STK3: variants seen among roughly 807,000 people sequenced by gnomAD.
STK3 encodes serine/threonine kinase 3.
A neutral mutation model predicts 58.0 loss-of-function variants in STK3; 41 were observed. The observed-to-expected ratio is 0.71, with a 90% CI of 0.55 to 0.92. The LOEUF is 0.92. STK3 is among the 40% of genes least tolerant of loss of function. The pLI is 0.00. For synonymous variants in STK3, 170 were observed against 191.0 expected (o/e 0.89, Z 0.91); for missense variants, 479 against 602.7 (o/e 0.79, Z 2.15).
At chr8:98,764,002 T>C (rs1304614328) in intron 3 of STK3, among the ~76,000 whole-genome samples, 1 of 152,192 alleles carries the variant, frequency 6.6e-6, no homozygotes, top group East Asian at 1.9e-4. Flanking sequence ...AGTCCTATCT[T>C]TTAGCATTTT....
At chr8:98,666,226 C>G (rs1822354694) in intron 6 of STK3, among the ~76,000 whole-genome samples, 2 of 151,206 alleles carry the variant, frequency 1.3e-5, no homozygotes, top group South Asian at 4.2e-4. Flanking sequence ...TATTCTGATT[C>G]ATCCAAGGAC....
At chr8:98,415,045 AG>A (rs1406038248) in intron 3 of STK3, among the ~76,000 whole-genome samples, 1 of 152,238 alleles carries the variant, frequency 6.6e-6, no homozygotes, top group East Asian at 1.9e-4. Flanking sequence ...TTAAATCATG[AG>A]GGTTGTACCT....
At chr8:98,803,329 C>T (rs556558209) in intron 1 of STK3, among the ~76,000 whole-genome samples, 14 of 152,120 alleles carry the variant, frequency 9.2e-5, no homozygotes, top group Admixed American at 2.0e-4. Context: ...TGGTGGCTCA[C>T]GCCTGTAATC....
At chr8:98,391,700 T>C (rs1817849731), upstream of STK3, among the ~76,000 whole-genome samples, 1 of 152,216 alleles carries the variant, frequency 6.6e-6, no homozygotes, top group Admixed American at 6.5e-5. Flanking sequence ...CGTCCTTGCA[T>C]AGCATCTCGT....
chr8:98,738,640 C>T (rs1292938453), intron 4 of STK3, among the ~76,000 whole-genome samples: 1 of 152,204 alleles, frequency 6.6e-6, no homozygotes, highest in African/African-American at 2.4e-5. Flanking sequence ...CAGCTCTGGT[C>T]TACAGCTCCC....
chr8:98,787,762 G>A (rs1832562098), intron 1 of STK3, among the ~76,000 whole-genome samples: 1 of 152,156 alleles, frequency 6.6e-6, no homozygotes, highest in South Asian at 2.1e-4. Flanking sequence ...AGCTAGAAGG[G>A]ATTGCAGCCC....
intron 1 of STK3, among the ~76,000 whole-genome samples, chr8:98,934,721 G>T (rs1160847620): frequency 6.6e-6 from 1 of 152,128 alleles, no homozygotes; most frequent in Non-Finnish European, 1.5e-5. Context: ...TTCGAGACCA[G>T]CCTGGCCAAC....
intron 3 of STK3, chr8:98,429,532 T>G: frequency 1.4e-6 from 1 of 705,032 alleles, no homozygotes; most frequent in African/African-American, 1.8e-5. Context: ...AGGGGAGAGA[T>G]GCATGGGATA....
At chr8:98,346,067 C>G in the STK3 span, among the ~76,000 whole-genome samples, 1 of 152,024 alleles carries the variant, frequency 6.6e-6, no homozygotes, top group Non-Finnish European at 1.5e-5. Context: ...GGGCTAATCA[C>G]CTGAGGTGAG....
chr8:98,916,181 G>C (rs149131101), intron 1 of STK3, among the ~76,000 whole-genome samples: 1 of 152,138 alleles, frequency 6.6e-6, no homozygotes, highest in Non-Finnish European at 1.5e-5. Flanking sequence ...TTGGGAGACC[G>C]AGGCGAGTGG....
chr8:98,519,860 T>G (rs535370450), intron 10 of STK3, among the ~76,000 whole-genome samples: 1 of 152,276 alleles, frequency 6.6e-6, no homozygotes, highest in South Asian at 2.1e-4. Flanking sequence ...CTATTCAGTA[T>G]GAGTCACAAC....
chr8:98,578,261 C>T (rs1269794438), intron 8 of STK3, among the ~76,000 whole-genome samples: 1 of 152,172 alleles, frequency 6.6e-6, no homozygotes, highest in African/African-American at 2.4e-5. Flanking sequence ...CTTTACATCT[C>T]CCATATCACC....
rs1822215102 is a variant in STK3, at chr8:98,485,868, G to A, written c.1318-29868C>T. On this transcript the variant is annotated intron_variant, in intron 10 of 10. Coordinates refer to ENST00000419617, the MANE Select transcript of STK3 (RefSeq NM_006281.4). ...TAGCATTTATATTACAGAAGTAGGGGGCCATGAAAGTCTCAAAGTGAATGA... is the reference window on the plus strand; with the variant it reads ...TAGCATTTATATTACAGAAGTAGGGAGCCATGAAAGTCTCAAAGTGAATGA... Among the ~76,000 whole-genome samples, 4 of 152,086 alleles carry A rather than the reference G, an allele frequency of 2.6e-5. No individual in the cohort carries two copies. In the South Asian group the frequency reaches 8.3e-4, roughly 32 times the overall value.
intron 6 of STK3, among the ~76,000 whole-genome samples, chr8:98,617,640 G>T (rs185274299): frequency 6.6e-6 from 1 of 151,778 alleles, no homozygotes; most frequent in East Asian, 1.9e-4. Context: ...TATCACCACC[G>T]ATCCCACAGA....
At chr8:98,472,841 C>T (rs1418561294) in intron 10 of STK3, among the ~76,000 whole-genome samples, 1 of 151,954 alleles carries the variant, frequency 6.6e-6, no homozygotes, top group African/African-American at 2.4e-5. Flanking sequence ...GTTGAACTAG[C>T]AAAACCCACA....
chr8:98,628,306 G>A (rs1286731449), intron 6 of STK3, among the ~76,000 whole-genome samples: 1 of 152,002 alleles, frequency 6.6e-6, no homozygotes, highest in African/African-American at 2.4e-5. Context: ...CAACCACTTG[G>A]TCTGGCTACA....
intron 6 of STK3, chr8:98,597,725 TG>T (rs2130001226): frequency 1.0e-6 from 1 of 985,380 alleles, no homozygotes; most frequent in African/African-American, 1.7e-5. Flanking sequence ...CTTTATGTGA[TG>T]GTCCCTTTAA....
At chr8:98,742,114 A>C (rs1056388027) in intron 4 of STK3, among the ~76,000 whole-genome samples, 1 of 152,010 alleles carries the variant, frequency 6.6e-6, no homozygotes, top group Non-Finnish European at 1.5e-5. Context: ...AAAAGAGTCC[A>C]GGACCAGATG....
intron 3 of STK3, among the ~76,000 whole-genome samples, chr8:98,850,793 A>G (rs1836436938): frequency 6.6e-6 from 1 of 152,170 alleles, no homozygotes; most frequent in African/African-American, 2.4e-5. Flanking sequence ...GGGGGTTCAG[A>G]GTTTAACCTG....
Sources: gnomAD v4.1 joint callset for allele counts (sites outside exome capture counted in the v4.1 genomes callset) on GRCh38, gnomAD v4.1.1 for gene constraint, MANE v1.5 for transcripts, NCBI Gene and HGNC (gene_info 2026-07-23, HGNC 2026-07-21) for gene names.